The following RANBP2 variants were observed in gnomAD, a reference collection of about 807,000 sequenced individuals.
The protein encoded by RANBP2 is RAN binding protein 2.
In RANBP2, 57 loss-of-function variants were observed where a neutral mutation model predicts 303.6. The observed-to-expected ratio is 0.19, with a 90% CI of 0.15 to 0.23. The LOEUF is 0.23. Ranked by LOEUF, RANBP2 falls within the 10% of genes least tolerant of loss-of-function variation. The pLI is 1.00. For missense variants in RANBP2, 3,138 were observed against 3,780.8 expected, an observed-to-expected ratio of 0.83 and a Z score of 4.46; for synonymous variants, 1,167 against 1,301.5, an observed-to-expected ratio of 0.90 and a Z score of 2.23.
chr2:109,590,177 C>A, the RANBP2 span, among the ~76,000 whole-genome samples: 1 of 151,122 alleles, frequency 6.6e-6, no homozygotes, highest in Non-Finnish European at 1.5e-5. Flanking sequence ...AGAGTGGTTA[C>A]CAGTCAGCAG....
chr2:109,702,932 T>C, the RANBP2 span, among the ~76,000 whole-genome samples: 34 of 152,054 alleles, frequency 2.2e-4, no homozygotes, highest in Non-Finnish European at 3.5e-4. Context: ...TATGTCTCAC[T>C]GAATCCCAAC....
the RANBP2 span, among the ~76,000 whole-genome samples, chr2:108,793,863 A>C: frequency 6.6e-6 from 1 of 151,822 alleles, no homozygotes; most frequent in East Asian, 1.9e-4. Flanking sequence ...CGGCCTCCCA[A>C]AGTGCTGGGA....
the RANBP2 span, among the ~76,000 whole-genome samples, chr2:109,383,397 C>G: frequency 6.6e-6 from 1 of 152,210 alleles, no homozygotes; most frequent in African/African-American, 2.4e-5. Context: ...GTTGCTGTTG[C>G]TGCCTCACCC....
the RANBP2 span, among the ~76,000 whole-genome samples, chr2:109,672,725 C>A: frequency 2.6e-5 from 4 of 152,052 alleles, no homozygotes; most frequent in African/African-American, 9.7e-5. Context: ...GTAATTTTGA[C>A]ACTTTTAAAT....
chr2:108,798,688 T>G, the RANBP2 span: 1 of 785,486 alleles, frequency 1.3e-6, no homozygotes, highest in Non-Finnish European at 2.0e-6. Context: ...TCTCCTTCCC[T>G]TCCTCCTCCT....
the RANBP2 span, among the ~76,000 whole-genome samples, chr2:109,412,056 G>A: frequency 1.2e-3 from 184 of 152,260 alleles, no homozygotes; most frequent in Middle Eastern, 0.017. Flanking sequence ...GAGCCCTCCC[G>A]AGCCTCCTGA....
the RANBP2 span, among the ~76,000 whole-genome samples, chr2:109,276,420 C>T: frequency 5.9e-5 from 9 of 152,124 alleles, no homozygotes; most frequent in Admixed American, 6.6e-5. Flanking sequence ...AGTCCAGGCC[C>T]GTCTGAAGGC....
At chr2:108,839,387 A>C in the RANBP2 span, 1 of 1,141,370 alleles carries the variant, frequency 8.8e-7, no homozygotes, top group Non-Finnish European at 1.2e-6. Context: ...TGTTTTGAAT[A>C]TATTCTCTGT....
chr2:109,322,972 A>G, the RANBP2 span, among the ~76,000 whole-genome samples: 1 of 150,964 alleles, frequency 6.6e-6, no homozygotes, highest in African/African-American at 2.5e-5. Context: ...AAGAGGCCAA[A>G]TCTGACTGTG....
the RANBP2 span, among the ~76,000 whole-genome samples, chr2:109,259,374 C>T: frequency 6.6e-6 from 1 of 152,208 alleles, no homozygotes; most frequent in Non-Finnish European, 1.5e-5. Context: ...AGGCATCCTA[C>T]ATACCTGCAT....
the RANBP2 span, chr2:109,503,749 G>C: frequency 6.6e-6 from 1 of 152,130 alleles, no homozygotes; most frequent in Non-Finnish European, 1.5e-5. Context: ...TTTTTAAGGC[G>C]CGCAGGTACC....
At chr2:109,657,968 C>T in the RANBP2 span, among the ~76,000 whole-genome samples, 1 of 151,808 alleles carries the variant, frequency 6.6e-6, no homozygotes, top group Admixed American at 6.6e-5. Flanking sequence ...GATCTGCCTG[C>T]CTCAGCATCC....
chr2:108,960,512 G>A, the RANBP2 span, among the ~76,000 whole-genome samples: 1 of 152,158 alleles, frequency 6.6e-6, no homozygotes. Context: ...GCCAGGGCAG[G>A]GTGCACACCT....
At chr2:109,597,523 G>A in the RANBP2 span, among the ~76,000 whole-genome samples, 141 of 152,224 alleles carry the variant, frequency 9.3e-4, no homozygotes, top group African/African-American at 3.3e-3. Flanking sequence ...CCACAATCTC[G>A]TTTCAACGCA....
the RANBP2 span, among the ~76,000 whole-genome samples, chr2:109,607,854 CACTG>C: frequency 6.6e-6 from 1 of 152,156 alleles, no homozygotes; most frequent in East Asian, 1.9e-4. Flanking sequence ...GAAAGTCACC[CACTG>C]ACTAACTTGT....
At chr2:109,645,143 T>G in the RANBP2 span, among the ~76,000 whole-genome samples, 1 of 152,242 alleles carries the variant, frequency 6.6e-6, no homozygotes, top group Non-Finnish European at 1.5e-5. Context: ...CACAGCACTT[T>G]TATTTCTCAG....
At chr2:109,590,095 C>T in the RANBP2 span, among the ~76,000 whole-genome samples, 1 of 146,792 alleles carries the variant, frequency 6.8e-6, no homozygotes, top group Non-Finnish European at 1.5e-5. Context: ...TATATATACA[C>T]ACATATATAT....
chr2:109,481,717 GCA>G, the RANBP2 span, among the ~76,000 whole-genome samples: 30 of 152,188 alleles, frequency 2.0e-4, no homozygotes, highest in Non-Finnish European at 4.3e-4. Context: ...CTTACAGAGA[GCA>G]CACTAAGTGC....
chr2:109,281,318 T>TC, the RANBP2 span, among the ~76,000 whole-genome samples: 24 of 152,144 alleles, frequency 1.6e-4, no homozygotes, highest in Non-Finnish European at 7.4e-5. Flanking sequence ...GCCTCTTCCT[T>TC]CCCCGGGCCC....
Sources: gnomAD v4.1 joint callset for allele counts (sites outside exome capture counted in the v4.1 genomes callset) on GRCh38, gnomAD v4.1.1 for gene constraint, MANE v1.5 for transcripts, NCBI Gene and HGNC (gene_info 2026-07-23, HGNC 2026-07-21) for gene names.